Variants in MGAT4C observed in about 807,000 individuals in gnomAD.
The protein encoded by MGAT4C is MGAT4 family member C.
A neutral mutation model predicts 40.1 loss-of-function variants in MGAT4C; 19 were observed. The ratio of observed to expected loss-of-function variants is 0.47; its 90% CI spans 0.33 to 0.70. The LOEUF (loss-of-function observed/expected upper bound fraction) is 0.70. Among genes scored for constraint, MGAT4C ranks in the 30% least tolerant of loss-of-function variants. MGAT4C has a pLI of 0.02. For missense variants in MGAT4C, 491 were observed against 563.2 expected (o/e 0.87, Z 1.30); for synonymous variants, 181 against 187.1 (o/e 0.97, Z 0.27).
At chr12:86,392,888 C>T (rs73187446) in intron 3 of MGAT4C, among the ~76,000 whole-genome samples, 2,085 of 152,146 alleles carry the variant, frequency 0.014, 14 homozygotes, top group Middle Eastern at 0.027. Context: ...GATTATTGAT[C>T]CAAATATTAA....
At chr12:86,738,601 A>G (rs950205828) in intron 1 of MGAT4C, among the ~76,000 whole-genome samples, 1 of 151,336 alleles carries the variant, frequency 6.6e-6, no homozygotes, top group Admixed American at 6.6e-5. Context: ...TTCAGTTTAC[A>G]TTCATCCAAC....
chr12:86,149,299 C>G (rs924454575), intron 1 of MGAT4C, among the ~76,000 whole-genome samples: 10 of 151,918 alleles, frequency 6.6e-5, no homozygotes, highest in Admixed American at 6.6e-4. Context: ...AAGCTATTCC[C>G]TCTAAATCCT....
rs77714556 is a variant in MGAT4C at position 86,031,821 on chromosome 12, A to C, written c.-7+17853T>G. 3.3e-3 allele frequency among the ~76,000 whole-genome samples: 494 copies of C among 151,906 alleles called. 2 individuals carry two copies. Among genetic ancestry groups the C allele is most frequent in the African/African-American group, 0.011 (475 of 41,470 alleles). ...ATATGCAAGTTTGTCTTATAGGTAA[A>C]TTGTGTGTCTCTGGGGTTTAGTGTA... is the stretch of plus-strand genomic sequence containing the variant. On this transcript the variant is annotated intron_variant, in intron 2 of 4. Coordinates refer to ENST00000611864, the MANE Select transcript of MGAT4C (RefSeq NM_001351288.2).
At chr12:86,398,536 A>AAT (rs1956300277) in intron 3 of MGAT4C, among the ~76,000 whole-genome samples, 1 of 151,904 alleles carries the variant, frequency 6.6e-6, no homozygotes, top group Non-Finnish European at 1.5e-5. Flanking sequence ...CATATATATA[A>AAT]ATATGGTATA....
chr12:86,687,979 C>T (rs1355187578), intron 2 of MGAT4C, among the ~76,000 whole-genome samples: 1 of 151,964 alleles, frequency 6.6e-6, no homozygotes, highest in East Asian at 1.9e-4. Context: ...CGTCTGTTTG[C>T]AGGTCTCTAA....
intron 2 of MGAT4C, among the ~76,000 whole-genome samples, chr12:86,549,793 A>G (rs1386274933): frequency 6.6e-6 from 1 of 152,156 alleles, no homozygotes; most frequent in East Asian, 1.9e-4. Context: ...AAACGCACCT[A>G]TGGTGATTGG....
At chr12:86,595,880 C>T (rs915647122) in intron 2 of MGAT4C, among the ~76,000 whole-genome samples, 3 of 151,998 alleles carry the variant, frequency 2.0e-5, no homozygotes, top group East Asian at 1.9e-4. Flanking sequence ...TTACAGCTTC[C>T]GGTCAGACCA....
chr12:86,530,588 C>T (rs559093176), intron 2 of MGAT4C, among the ~76,000 whole-genome samples: 1 of 152,142 alleles, frequency 6.6e-6, no homozygotes, highest in East Asian at 1.9e-4. Context: ...TTTCTAAGGT[C>T]TCCTACTTTT....
At chr12:86,218,746 G>A (rs561967543) in intron 1 of MGAT4C, among the ~76,000 whole-genome samples, 2 of 152,188 alleles carry the variant, frequency 1.3e-5, no homozygotes, top group Non-Finnish European at 2.9e-5. Context: ...TTCATTCTAA[G>A]GCAGACTAGG....
chr12:86,614,180 C>T (rs1193004696), intron 2 of MGAT4C, among the ~76,000 whole-genome samples: 2 of 152,166 alleles, frequency 1.3e-5, no homozygotes, highest in South Asian at 4.1e-4. Context: ...CAGGCAATAA[C>T]TTCTGGTTCT....
intron 1 of MGAT4C, among the ~76,000 whole-genome samples, chr12:86,247,092 C>A (rs1952070313): frequency 6.6e-6 from 1 of 152,078 alleles, no homozygotes; most frequent in Admixed American, 6.5e-5. Context: ...TTACAAATGA[C>A]CATTAGGATA....
At chr12:86,150,813 C>T (rs928831871) in intron 1 of MGAT4C, among the ~76,000 whole-genome samples, 1 of 152,148 alleles carries the variant, frequency 6.6e-6, no homozygotes, top group Non-Finnish European at 1.5e-5. Flanking sequence ...CCAAGAGAAA[C>T]CAACAGAAGT....
chr12:86,685,504 G>T (rs1950058183), intron 2 of MGAT4C, among the ~76,000 whole-genome samples: 1 of 151,988 alleles, frequency 6.6e-6, no homozygotes, highest in South Asian at 2.1e-4. Context: ...GGATTGCCTT[G>T]GCTACACAGG....
chr12:86,499,703 T>A (rs764006670), intron 2 of MGAT4C, among the ~76,000 whole-genome samples: 1 of 151,982 alleles, frequency 6.6e-6, no homozygotes, highest in African/African-American at 2.4e-5. Flanking sequence ...TTTTCCATTC[T>A]AGTTATCACA....
chr12:86,761,683 G>T (rs73179386), intron 1 of MGAT4C, among the ~76,000 whole-genome samples: 4,068 of 152,114 alleles, frequency 0.027, 95 homozygotes, highest in South Asian at 0.063. Context: ...ACTTTTTAGT[G>T]GTAACTTCTA....
chr12:86,175,349 T>C (rs1887280681), intron 1 of MGAT4C, among the ~76,000 whole-genome samples: 1 of 152,336 alleles, frequency 6.6e-6, no homozygotes. Flanking sequence ...CTTATCCTTC[T>C]GTCTGCCTGT....
chr12:86,560,652 G>A (rs1959818418), intron 2 of MGAT4C, among the ~76,000 whole-genome samples: 1 of 152,044 alleles, frequency 6.6e-6, no homozygotes, highest in Non-Finnish European at 1.5e-5. Context: ...CATCCAAAAA[G>A]TCATGTATGA....
intron 2 of MGAT4C, among the ~76,000 whole-genome samples, chr12:86,461,188 T>C (rs1045476528): frequency 2.6e-5 from 4 of 151,798 alleles, no homozygotes; most frequent in African/African-American, 9.7e-5. Flanking sequence ...TAAATTCCAA[T>C]GTAGGGAAGC....
chr12:86,456,641 A>G (rs1425763102), intron 2 of MGAT4C, among the ~76,000 whole-genome samples: 2 of 152,054 alleles, frequency 1.3e-5, no homozygotes, highest in Non-Finnish European at 2.9e-5. Context: ...CTATTTTTTA[A>G]ATTTTGGCTC....
Sources: gnomAD v4.1 joint callset for allele counts (sites outside exome capture counted in the v4.1 genomes callset) on GRCh38, gnomAD v4.1.1 for gene constraint, MANE v1.5 for transcripts, NCBI Gene and HGNC (gene_info 2026-07-23, HGNC 2026-07-21) for gene names.